Variants in EXT2 observed in about 807,000 individuals in gnomAD.
EXT2 encodes the protein exostosin glycosyltransferase 2.
A neutral mutation model predicts 81.6 loss-of-function variants in EXT2; 53 were observed. The ratio of observed to expected loss-of-function variants is 0.65; its 90% CI spans 0.52 to 0.82. EXT2 has a LOEUF of 0.82. Among genes scored for constraint, EXT2 ranks in the 40% least tolerant of loss-of-function variants. The probability of loss-of-function intolerance (pLI) is 0.00; values close to 1 mark genes in which losing one functional copy is unlikely to be tolerated. For missense variants in EXT2, 774 were observed against 910.2 expected, an observed-to-expected ratio of 0.85 and a Z score of 1.93; for synonymous variants, 320 against 340.0, an observed-to-expected ratio of 0.94 and a Z score of 0.65.
In EXT2 at chr11:44,095,861, G is replaced by C; in HGVS notation, c.-31+9G>C. ...AGGCAGCCGTGGCCGAGGTAAGCGC[G>C]GCTCTCCAGGGCGGCGGCCGGGCGG... On this transcript the variant is annotated intron_variant, in intron 1 of 13. Transcript: ENST00000533608. The C allele has an allele frequency of 5.5e-6, 1 of 182,274 alleles. No individual in the cohort carries two copies. The highest frequency in any genetic ancestry group is 1.1e-5 in the Non-Finnish European group (1 of 89,130). 11.3% of individuals were successfully genotyped at this position (182,274 alleles called of 1,614,324 possible).
intron 3 of EXT2, 110 bp from the exon 4 acceptor site, chr11:44,114,075 C>G: frequency 1.0e-6 from 1 of 976,268 alleles, no homozygotes. Flanking sequence ...ACTCTGTAAA[C>G]GTTAGCTGGT....
At position 44,232,371 on chromosome 11, in the gene EXT2, G is replaced by C. The variant is rs151291188; in HGVS notation, c.1681G>C (p.Asp561His). ...FGYEVWREFP[D>H]RLVGYPGRLH... ...TCCTTAGGTCTGGCGGGAATTTCCT[G>C]ACCGGTTGGTGGGTTACCCGGGTCG... The change falls in exon 11 of 14, where the codon GAC becomes CAC. Residue 561 changes from aspartate (D) to histidine (H), a missense_variant. Physicochemically the swap from Asp to His is moderately conservative, Grantham distance 81. This residue lies in a region of EXT2 where 148 missense variants were observed against 239.7 expected (regional missense o/e 0.62). Transcript: ENST00000533608. The C allele has an allele frequency of 2.9e-5, 46 of 1,613,866 alleles. No homozygotes were observed. In the Middle Eastern group the frequency reaches 8.2e-4, roughly 29 times the overall value.
intron 10 of EXT2, among the ~76,000 whole-genome samples, chr11:44,221,011 T>G (rs78253735): frequency 0.16 from 24,546 of 152,256 alleles, 2,556 homozygotes; most frequent in Non-Finnish European, 0.23. Flanking sequence ...AGAGTGGCAC[T>G]TTTTTCTTCC....
At position 44,206,598 on chromosome 11, in the gene EXT2, C is replaced by T. The variant is rs1027377; in HGVS notation, c.1496-195C>T. Among the ~76,000 whole-genome samples, 138,215 of 151,956 alleles carry T rather than the reference C, an allele frequency of 0.91. 62,898 individuals are homozygous for T. Among genetic ancestry groups the T allele is most frequent in the East Asian group, 0.99 (5,112 of 5,174 alleles). ...TGTATATATGTTGTATATATGTGTA[C>T]GTGCAGTATATATATTTTTTATTAT... On this transcript the variant is annotated intron_variant, in intron 9 of 13. Transcript: ENST00000533608.
At chr11:44,162,428 TAGCC>T (rs1954939437) in intron 7 of EXT2, among the ~76,000 whole-genome samples, 1 of 151,714 alleles carries the variant, frequency 6.6e-6, no homozygotes, top group Non-Finnish European at 1.5e-5. Context: ...ATACAAAAAT[TAGCC>T]AGGCATGGTG....
chr11:44,108,997 A>G (rs1274226499), intron 2 of EXT2, among the ~76,000 whole-genome samples, 197 bp from the exon 3 acceptor site: 1 of 152,178 alleles, frequency 6.6e-6, no homozygotes, highest in East Asian at 1.9e-4. Flanking sequence ...CTTGAAGTAC[A>G]CGTGCGTTCA....
At chr11:44,217,655 G>A (rs1322470057) in intron 10 of EXT2, among the ~76,000 whole-genome samples, 2 of 152,172 alleles carry the variant, frequency 1.3e-5, no homozygotes, top group African/African-American at 4.8e-5. Flanking sequence ...GGGAACAGTA[G>A]CAGTGTATAG....
intron 10 of EXT2, among the ~76,000 whole-genome samples, chr11:44,209,063 G>A (rs1955617042): frequency 1.3e-5 from 2 of 152,176 alleles, no homozygotes; most frequent in Non-Finnish European, 1.5e-5. Context: ...TGATTGACAG[G>A]TTATTTAATC....
Position 44,249,252 on chromosome 11 carries a change from C to T in EXT2, c.*4965C>T, listed in dbSNP as rs1332061549. ...GGATCAAGTGATCCTCCTGCCTCAGCGTCCCAAAGTGTTGGGATTACAGGT... is the reference window on the plus strand; with the variant it reads ...GGATCAAGTGATCCTCCTGCCTCAGTGTCCCAAAGTGTTGGGATTACAGGT... On this transcript the variant is annotated 3_prime_UTR_variant, in exon 14 of 14. Coordinates refer to ENST00000533608, the MANE Select transcript of EXT2 (RefSeq NM_207122.2). Among the ~76,000 whole-genome samples the T allele has an allele frequency of 6.6e-6, 1 of 152,280 alleles. No individual in the cohort carries two copies. Among genetic ancestry groups the T allele is most frequent in the African/African-American group, 2.4e-5 (1 of 41,558 alleles).
chr11:44,221,436 C>G (rs1344392076), intron 10 of EXT2, among the ~76,000 whole-genome samples: 7 of 152,142 alleles, frequency 4.6e-5, no homozygotes, highest in African/African-American at 1.7e-4. Flanking sequence ...CTTTCCCTCC[C>G]CCTGTTCAAA....
rs1955717751 is a variant in EXT2, at chr11:44,216,206, A to G, written c.1662+9247A>G. On this transcript the variant is annotated intron_variant, in intron 10 of 13. Coordinates refer to ENST00000533608, the MANE Select transcript of EXT2 (RefSeq NM_207122.2). ...TGGGAATTTTTAAGAGAAGGAAGCC[A>G]GCAATCCCCCAGCATTTAGAGTGGT... Among the ~76,000 whole-genome samples, 3 of 152,284 alleles carry G rather than the reference A, an allele frequency of 2.0e-5. No homozygotes were observed. In the South Asian group the frequency reaches 6.2e-4, roughly 32 times the overall value.
intron 7 of EXT2, among the ~76,000 whole-genome samples, chr11:44,148,846 G>A (rs1221307041): frequency 6.6e-6 from 1 of 152,120 alleles, no homozygotes; most frequent in East Asian, 1.9e-4. Context: ...ATTATCTGAG[G>A]TCACAGATGT....
At position 44,220,331 on chromosome 11, in the gene EXT2, A is replaced by G. The variant is rs977353385; in HGVS notation, c.1663-12022A>G. Reference sequence around the variant, plus strand: ...TGTGAGCTGTCTTTGAGCCTTGTGTATATATCTGAGTAAGCAACAGTTCCC... The same window carrying G: ...TGTGAGCTGTCTTTGAGCCTTGTGTGTATATCTGAGTAAGCAACAGTTCCC... On this transcript the variant is annotated intron_variant, in intron 10 of 13. Transcript: ENST00000533608. The surrounding 1 kb of genome is among the most constrained non-coding windows in gnomAD (Gnocchi z 4.4). 3.3e-5 allele frequency among the ~76,000 whole-genome samples: 5 copies of G among 152,146 alleles called. No homozygotes were observed. Among genetic ancestry groups the G allele is most frequent in the Admixed American group, 2.6e-4 (4 of 15,284 alleles).
intron 9 of EXT2, among the ~76,000 whole-genome samples, chr11:44,203,394 TA>T (rs755279264): frequency 2.8e-4 from 42 of 152,314 alleles, no homozygotes; most frequent in Admixed American, 4.6e-4. Context: ...ACTGGATTAG[TA>T]AAGTTTACTG....
chr11:44,135,458 C>G (rs998109375), intron 7 of EXT2, among the ~76,000 whole-genome samples: 1 of 147,098 alleles, frequency 6.8e-6, no homozygotes, highest in African/African-American at 2.5e-5. Flanking sequence ...GTGGTGCGAT[C>G]TCAGCTCACT....
At chr11:44,116,392 C>T (rs951594662) in intron 4 of EXT2, 2 of 152,026 alleles carry the variant, frequency 1.3e-5, no homozygotes, top group Non-Finnish European at 2.9e-5. Flanking sequence ...ATGAATATAC[C>T]ACATTTTATT....
intron 7 of EXT2, among the ~76,000 whole-genome samples, chr11:44,159,841 A>C (rs1954906120): frequency 2.0e-5 from 3 of 152,226 alleles, no homozygotes; most frequent in Non-Finnish European, 4.4e-5. Context: ...TAGGTGGGAC[A>C]GGATGGCTAC....
rs916179389 is a variant in EXT2 at position 44,244,428 on chromosome 11, C to T, written c.*141C>T. On this transcript the variant is annotated 3_prime_UTR_variant, in exon 14 of 14. Coordinates refer to ENST00000533608, the MANE Select transcript of EXT2 (RefSeq NM_207122.2). ...TCTTGGCATGCACCCACCTAACCCACTTTCTCAAGAACAAGAACCTAGAAT... is the reference window on the plus strand; with the variant it reads ...TCTTGGCATGCACCCACCTAACCCATTTTCTCAAGAACAAGAACCTAGAAT... 2 of 808,558 alleles carry T rather than the reference C, an allele frequency of 2.5e-6. No homozygotes were observed. The highest frequency in any genetic ancestry group is 4.1e-6 in the Non-Finnish European group (2 of 486,820). The allele number at this position is 808,558 out of a possible 1,614,324, so 50.1% of individuals were successfully genotyped here.
chr11:44,191,021 C>T (rs2135169928), intron 8 of EXT2, among the ~76,000 whole-genome samples: 1 of 152,288 alleles, frequency 6.6e-6, no homozygotes, highest in South Asian at 2.1e-4. Flanking sequence ...GCTTAGTCTC[C>T]CAAGGCCTTT....
Sources: allele counts gnomAD v4.1 joint callset (sites outside exome capture counted in the v4.1 genomes callset), GRCh38; gene constraint gnomAD v4.1.1; regional missense constraint gnomAD v4.1.1; non-coding constraint Gnocchi (gnomAD v3.1); transcripts MANE v1.5; gene names NCBI Gene and HGNC (gene_info 2026-07-23, HGNC 2026-07-21).